FABP5: variants seen among roughly 807,000 people sequenced by gnomAD.
FABP5 encodes the protein fatty acid binding protein 5, also known as fatty acid-binding protein 5.
A neutral mutation model predicts 16.9 loss-of-function variants in FABP5; 7 were observed. The observed-to-expected ratio is 0.41, with a 90% confidence interval of 0.24 to 0.78. FABP5 has a LOEUF of 0.78. Among genes scored for constraint, FABP5 ranks in the 30% least tolerant of loss-of-function variants. The pLI is 0.30. For synonymous variants in FABP5, 37 were observed against 52.8 expected, an observed-to-expected ratio of 0.70 and a Z score of 1.30; for missense variants, 119 against 159.5, an observed-to-expected ratio of 0.75 and a Z score of 1.37.
intron 3 of FABP5, chr8:81,284,311 A>G (rs1287000041): frequency 2.7e-5 from 15 of 553,226 alleles, no homozygotes; most frequent in Non-Finnish European, 3.8e-5. Flanking sequence ...TATTCAACAC[A>G]TTAGTTTTCT....
Position 81,283,974 on chromosome 8 carries a change from G to C in FABP5, c.354G>C (p.Val118=). 1 of 1,601,044 alleles carries C rather than the reference G, an allele frequency of 6.2e-7. No individual in the cohort carries two copies. The highest frequency in any genetic ancestry group is 8.5e-7 in the Non-Finnish European group (1 of 1,174,648). ...TRKLKDGKLV[V]ECVMNNVTCT... ...AATTGAAAGATGGGAAATTAGTGGT[G>C]GTAAGTGTCAAACTGCTGTGTCTCA... Residue 118 remains valine, a splice_region_variant and synonymous_variant, in exon 3 of 4, where the codon GTG becomes GTC. Coordinates refer to ENST00000297258, the MANE Select transcript of FABP5 (RefSeq NM_001444.3).
intron 2 of FABP5, 31 bp from the exon 3 acceptor site, chr8:81,283,842 G>A (rs756740644): frequency 1.2e-5 from 19 of 1,560,290 alleles, no homozygotes; most frequent in African/African-American, 9.6e-5. Flanking sequence ...AATGTACTTG[G>A]AAGATTAAAA....
In FABP5 at chr8:81,281,664, AT is replaced by A. The variant is rs1362165200; in HGVS notation, c.79+991del. On this transcript the variant is annotated intron_variant, in intron 1 of 3. Transcript: ENST00000297258. The surrounding 1 kb of genome is among the most constrained non-coding windows in gnomAD (Gnocchi z 4.5). ...CTTGAAGCGTTCCGAGGGAGAATGA[AT>A]CTCAGTAGTAAGATTCATTTCTCAC... is the stretch of plus-strand genomic sequence containing the variant. 1 of 985,270 alleles carries A rather than the reference AT, an allele frequency of 1.0e-6. No individual in the cohort carries two copies. The highest frequency in any genetic ancestry group is 1.7e-5 in the African/African-American group (1 of 57,236). 61.0% of individuals were successfully genotyped at this position (985,270 alleles called of 1,614,324 possible).
rs772753167 is a variant in FABP5 at position 81,284,531 on chromosome 8, T to C, written c.372T>C (p.Asn124=). ...TCTTCTAGGAGTGTGTCATGAACAA[T>C]GTCACCTGTACTCGGATCTATGAAA... ...GKLVVECVMN[N]VTCTRIYEKV... is the part of the protein sequence containing the mutation. The change falls in exon 4 of 4, where the codon AAT becomes AAC. Residue 124 remains asparagine (N), a synonymous_variant. Coordinates refer to ENST00000297258, the MANE Select transcript of FABP5 (RefSeq NM_001444.3). The C allele has an allele frequency of 3.7e-6, 6 of 1,603,498 alleles. No homozygotes were observed. The highest frequency in any genetic ancestry group is 1.3e-5 in the African/African-American group (1 of 74,836).
chr8:81,283,801 T>C (rs758828368), intron 2 of FABP5, 72 bp from the exon 3 acceptor site: 2 of 1,220,106 alleles, frequency 1.6e-6, no homozygotes, highest in Non-Finnish European at 2.3e-6. Context: ...AAATGTTGAT[T>C]AAGGAGGTTA....
At chr8:81,283,335 C>T (rs978410904) in intron 1 of FABP5, 31 bp from the exon 2 acceptor site, 5 of 1,530,400 alleles carry the variant, frequency 3.3e-6, no homozygotes, top group Non-Finnish European at 4.4e-6. Context: ...TTTGGTCTTC[C>T]TGTTATTTAA....
chr8:81,283,401 G>C lies in FABP5; in HGVS notation c.115G>C (p.Ala39Pro). 6.2e-7 allele frequency: 1 copy of C among 1,605,542 alleles called. No individual in the cohort carries two copies. The highest frequency in any genetic ancestry group is 8.5e-7 in the Non-Finnish European group (1 of 1,176,900). ...AGCTTTGCGAAAAATGGGCGCAATG[G>C]CCAAGCCAGATTGTATCATCACTTG... ...GIALRKMGAM[A>P]KPDCIITCDG... Residue 39 changes from alanine to proline, a missense_variant, in exon 2 of 4, where the codon GCC becomes CCC. Transcript: ENST00000297258.
intron 3 of FABP5, 106 bp from the exon 4 acceptor site, chr8:81,284,408 A>G (rs1453559170): frequency 8.3e-6 from 6 of 723,100 alleles, no homozygotes; most frequent in African/African-American, 1.8e-5. Flanking sequence ...CCATCTATGA[A>G]GTAGATTACG....
Position 81,284,652 on chromosome 8 carries a change from CT to C in FABP5, c.*95del, listed in dbSNP as rs373467741. ...GAGCAAATCTCCATACTGTTTCTTT[CT>C]TTTTTTTTTCATTACTGTGTTCAAT... On this transcript the variant is annotated 3_prime_UTR_variant, in exon 4 of 4. Coordinates refer to ENST00000297258, the MANE Select transcript of FABP5 (RefSeq NM_001444.3). 2.9e-3 allele frequency: 1,828 copies of C among 629,604 alleles called. No homozygotes were observed. The highest frequency in any genetic ancestry group is 5.1e-3 in the South Asian group (253 of 49,620). The allele number at this position is 629,604 out of a possible 1,614,324, so 39.0% of individuals were successfully genotyped here.
Position 81,281,629 on chromosome 8 carries a change from C to G in FABP5, c.79+955C>G, listed in dbSNP as rs150947702. The G allele has an allele frequency of 1.1e-4, 105 of 985,448 alleles. No individual in the cohort carries two copies. In the East Asian group the frequency reaches 1.0e-2, roughly 94 times the overall value. The allele number at this position is 985,448 out of a possible 1,614,324, so 61.0% of individuals were successfully genotyped here. On this transcript the variant is annotated intron_variant, in intron 1 of 3. Transcript: ENST00000297258. This position sits in a 1 kb window ranked among gnomAD's most constrained non-coding sequence, Gnocchi z 4.5. ...AAGATGGGTGTGGCCCTGCAGAAGG[C>G]AGATGACTTCTTGAAGCGTTCCGAG...
chr8:81,282,388 A>G (rs1807845261), intron 1 of FABP5, among the ~76,000 whole-genome samples: 1 of 152,212 alleles, frequency 6.6e-6, no homozygotes, highest in Admixed American at 6.5e-5. Flanking sequence ...TAATGACTCA[A>G]TTAACAGCAT....
Position 81,281,600 on chromosome 8 carries a change from A to G in FABP5, c.79+926A>G. Reference sequence around the variant, plus strand: ...GCCTGGCCCTCCTGCGGCTAACTGCATGCAAGATGGGTGTGGCCCTGCAGA... The same window carrying G: ...GCCTGGCCCTCCTGCGGCTAACTGCGTGCAAGATGGGTGTGGCCCTGCAGA... On this transcript the variant is annotated intron_variant, in intron 1 of 3. Coordinates refer to ENST00000297258, the MANE Select transcript of FABP5 (RefSeq NM_001444.3). This position sits in a 1 kb window ranked among gnomAD's most constrained non-coding sequence, Gnocchi z 4.5. 2.0e-6 allele frequency: 2 copies of G among 985,468 alleles called. No individual in the cohort carries two copies. The highest frequency in any genetic ancestry group is 2.4e-6 in the Non-Finnish European group (2 of 829,930). 61.0% of individuals were successfully genotyped at this position (985,468 alleles called of 1,614,324 possible). A position where few individuals can be genotyped will look rare whatever the true frequency, so the allele number is the denominator to read the frequency against.
Position 81,281,274 on chromosome 8 carries a change from G to A in FABP5, c.79+600G>A. The A allele has an allele frequency of 6.7e-6, 6 of 892,792 alleles. No homozygotes were observed. Among genetic ancestry groups the A allele is most frequent in the Non-Finnish European group, 8.1e-6 (6 of 745,226 alleles). 55.3% of individuals were successfully genotyped at this position (892,792 alleles called of 1,614,324 possible). A position where few individuals can be genotyped will look rare whatever the true frequency, so the allele number is the denominator to read the frequency against. On this transcript the variant is annotated intron_variant, in intron 1 of 3. Coordinates refer to ENST00000297258, the MANE Select transcript of FABP5 (RefSeq NM_001444.3). This position sits in a 1 kb window ranked among gnomAD's most constrained non-coding sequence, Gnocchi z 4.5. Reference sequence around the variant, plus strand: ...GTGGAGGGGTCTGAGTGGCGCTACAGCTTCAGCTTGCATTCCTCTGTCAGC... The same window carrying A: ...GTGGAGGGGTCTGAGTGGCGCTACAACTTCAGCTTGCATTCCTCTGTCAGC...
chr8:81,282,166 C>CTGTG (rs1563479902), intron 1 of FABP5, among the ~76,000 whole-genome samples: 7 of 77,558 alleles, frequency 9.0e-5, no homozygotes, highest in Admixed American at 8.2e-4. Flanking sequence ...CAATAAATAA[C>CTGTG]AGTGTGTGTG....
intron 1 of FABP5, among the ~76,000 whole-genome samples, chr8:81,282,469 C>T (rs976891763): frequency 1.3e-5 from 2 of 152,138 alleles, no homozygotes; most frequent in Non-Finnish European, 2.9e-5. Context: ...GGGTGTTCTT[C>T]ATCAAGACAA....
Position 81,284,667 on chromosome 8 carries a change from A to G in FABP5, c.*100A>G, listed in dbSNP as rs1392885245. 1.6e-6 allele frequency: 1 copy of G among 638,376 alleles called. No homozygotes were observed. The highest frequency in any genetic ancestry group is 2.7e-6 in the Non-Finnish European group (1 of 366,444). The allele number at this position is 638,376 out of a possible 1,614,324, so 39.5% of individuals were successfully genotyped here. ...CTGTTTCTTTCTTTTTTTTTTCATT[A>G]CTGTGTTCAATTATCTTTATCATAA... On this transcript the variant is annotated 3_prime_UTR_variant, in exon 4 of 4. Coordinates refer to ENST00000297258, the MANE Select transcript of FABP5 (RefSeq NM_001444.3).
chr8:81,281,712 A>G lies in FABP5; in HGVS notation c.79+1038A>G. On this transcript the variant is annotated intron_variant, in intron 1 of 3. Coordinates refer to ENST00000297258, the MANE Select transcript of FABP5 (RefSeq NM_001444.3). The surrounding 1 kb of genome is among the most constrained non-coding windows in gnomAD (Gnocchi z 4.5). ...TCACTCAAAACAGTGCTTCATTATA[A>G]ATTACTGTCCTTTTCTATGCCAGTG... is the stretch of plus-strand genomic sequence containing the variant. 4 of 973,984 alleles carry G rather than the reference A, an allele frequency of 4.1e-6. No individual in the cohort carries two copies. The highest frequency in any genetic ancestry group is 1.8e-5 in the African/African-American group (1 of 57,082). 60.3% of individuals were successfully genotyped at this position (973,984 alleles called of 1,614,324 possible). A position where few individuals can be genotyped will look rare whatever the true frequency, so the allele number is the denominator to read the frequency against.
At position 81,283,489 on chromosome 8, in the gene FABP5, C is replaced by T. The variant is rs771761568; in HGVS notation, c.203C>T (p.Thr68Ile). 1 of 1,612,796 alleles carries T rather than the reference C, an allele frequency of 6.2e-7. No individual in the cohort carries two copies. The highest frequency in any genetic ancestry group is 1.1e-5 in the South Asian group (1 of 90,688). ...STLKTTQFSC[T>I]LGEKFEETTA... ...TTGAAAACAACACAGTTTTCTTGTA[C>T]CCTGGGAGAGAAGTTTGAAGAAACC... Residue 68 changes from threonine to isoleucine, a missense_variant, in exon 2 of 4, where the codon ACC becomes ATC. Transcript: ENST00000297258.
At chr8:81,284,488 T>A (rs1313181642) in intron 3 of FABP5, 26 bp from the exon 4 acceptor site, 1 of 1,544,958 alleles carries the variant, frequency 6.5e-7, no homozygotes, top group Admixed American at 1.7e-5. Context: ...CTAACCTAAC[T>A]CTTTTAATAT....
Sources: gnomAD v4.1 joint callset for allele counts (sites outside exome capture counted in the v4.1 genomes callset) on GRCh38, gnomAD v4.1.1 for gene constraint, Gnocchi (gnomAD v3.1) non-coding constraint, MANE v1.5 for transcripts, NCBI Gene and HGNC (gene_info 2026-07-23, HGNC 2026-07-21) for gene names.